C12orf56: variants seen among roughly 807,000 people sequenced by gnomAD.
C12orf56 encodes the protein chromosome 12 open reading frame 56.
A neutral mutation model predicts 69.9 loss-of-function variants in C12orf56; 71 were observed. The observed-to-expected ratio is 1.02, with a 90% CI of 0.84 to 1.24. The LOEUF (loss-of-function observed/expected upper bound fraction) is 1.24. C12orf56 is among the 50% of genes most tolerant of loss of function. The pLI, the probability that C12orf56 is intolerant of heterozygous loss-of-function variation, is 0.00. For missense variants in C12orf56, 732 were observed against 738.5 expected (o/e 0.99, Z 0.10); for synonymous variants, 276 against 274.1 (o/e 1.01, Z -0.07).
chr12:64,370,577 G>A (rs1412574574), intron 1 of C12orf56, among the ~76,000 whole-genome samples: 1 of 152,100 alleles, frequency 6.6e-6, no homozygotes, highest in African/African-American at 2.4e-5. Context: ...CTTGAGCCCA[G>A]GAGGCAGAGG....
chr12:64,339,289 C>T (rs2039041666), intron 2 of C12orf56, among the ~76,000 whole-genome samples: 1 of 152,160 alleles, frequency 6.6e-6, no homozygotes, highest in Admixed American at 6.6e-5. Flanking sequence ...AGTCTTTCCT[C>T]CCCTTTACCA....
intron 1 of C12orf56, among the ~76,000 whole-genome samples, chr12:64,379,978 G>A (rs1328942904): frequency 1.3e-5 from 2 of 149,002 alleles, no homozygotes; most frequent in African/African-American, 2.5e-5. Flanking sequence ...GCGGACGGAC[G>A]CCTGTAGTCC....
chr12:64,277,777 A>G lies in C12orf56; in HGVS notation c.1337T>C (p.Ile446Thr), dbSNP rs1284369265. 27 of 1,603,392 alleles carry G rather than the reference A, an allele frequency of 1.7e-5. No homozygotes were observed. Among genetic ancestry groups the G allele is most frequent in the Non-Finnish European group, 2.3e-5 (27 of 1,173,822 alleles). Reference sequence around the variant, plus strand: ...TGGAATCTGAGGCTCACTAATTAAAATTACCAAGAGATTAAATAGTGCTCC... The same window carrying G: ...TGGAATCTGAGGCTCACTAATTAAAGTTACCAAGAGATTAAATAGTGCTCC... ...KKGALFNLLV[I>T]LISEPQIPKS... Residue 446 changes from isoleucine to threonine, a missense_variant, in exon 9 of 13, where the codon ATT (isoleucine) becomes ACT (threonine). Ile to Thr is a moderately conservative substitution (Grantham distance 89). Coordinates refer to ENST00000543942, the MANE Select transcript of C12orf56 (RefSeq NM_001170633.2).
chr12:64,285,504 G>A (rs1355539542), intron 7 of C12orf56, among the ~76,000 whole-genome samples: 3 of 152,106 alleles, frequency 2.0e-5, no homozygotes, highest in South Asian at 4.1e-4. Flanking sequence ...TCCACAGGAA[G>A]AGACCAGGCA....
At chr12:64,323,962 T>C (rs1865801) in intron 3 of C12orf56, among the ~76,000 whole-genome samples, 67,982 of 152,044 alleles carry the variant, frequency 0.45, 15,573 homozygotes, top group African/African-American at 0.54. Flanking sequence ...CTGCCCCTCC[T>C]TCAATCCTTC....
At chr12:64,304,882 C>A (rs1045007054) in intron 5 of C12orf56, among the ~76,000 whole-genome samples, 2 of 152,090 alleles carry the variant, frequency 1.3e-5, no homozygotes, top group South Asian at 4.1e-4. Flanking sequence ...AGCCAGGGTG[C>A]AAGGTAACAG....
At chr12:64,311,508 A>G (rs1342046926) in intron 5 of C12orf56, among the ~76,000 whole-genome samples, 1 of 152,118 alleles carries the variant, frequency 6.6e-6, no homozygotes, top group Non-Finnish European at 1.5e-5. Flanking sequence ...GTCAAGAAAG[A>G]TTTTTAGAGA....
intron 2 of C12orf56, 74 bp downstream of exon 2, chr12:64,352,820 G>A: frequency 7.6e-7 from 1 of 1,309,156 alleles, no homozygotes; most frequent in South Asian, 2.0e-5. Context: ...AAAATATCCT[G>A]CATCAATTTT....
intron 9 of C12orf56, among the ~76,000 whole-genome samples, chr12:64,276,004 C>CCA (rs1555185424): frequency 6.1e-4 from 92 of 151,054 alleles, no homozygotes; most frequent in African/African-American, 2.2e-3. Flanking sequence ...AATACACACC[C>CCA]CCCCCCGCGA....
chr12:64,367,245 T>TTTATATATTATATATAACATACAGA (rs2039505848), intron 1 of C12orf56, among the ~76,000 whole-genome samples: 3 of 59,896 alleles, frequency 5.0e-5, no homozygotes, highest in South Asian at 5.0e-4. Flanking sequence ...TAATATACAG[T>TTTATATATTATATATAACATACAGA]TTATATATTA....
chr12:64,300,335 C>CT (rs911284067), intron 6 of C12orf56, among the ~76,000 whole-genome samples: 2 of 151,946 alleles, frequency 1.3e-5, no homozygotes, highest in Admixed American at 1.3e-4. Flanking sequence ...TCTCTCCATT[C>CT]TTTTTTTGTT....
chr12:64,324,043 T>C (rs1352323968), intron 3 of C12orf56, among the ~76,000 whole-genome samples: 1 of 152,160 alleles, frequency 6.6e-6, no homozygotes, highest in African/African-American at 2.4e-5. Context: ...CCGCAGAAGC[T>C]CATAAGTCAC....
chr12:64,329,777 T>A (rs1271302899), intron 3 of C12orf56, among the ~76,000 whole-genome samples: 1 of 148,378 alleles, frequency 6.7e-6, no homozygotes, highest in Non-Finnish European at 1.5e-5. Flanking sequence ...ATATGCCGTG[T>A]TTGGTTTTTT....
intron 5 of C12orf56, among the ~76,000 whole-genome samples, chr12:64,307,459 T>C (rs1355052151): frequency 4.2e-5 from 6 of 144,284 alleles, no homozygotes; most frequent in Admixed American, 1.5e-4. Context: ...AACTTCTACC[T>C]CCCAGGTTCA....
intron 5 of C12orf56, among the ~76,000 whole-genome samples, chr12:64,310,245 G>A (rs533634971): frequency 2.6e-5 from 4 of 151,966 alleles, no homozygotes; most frequent in African/African-American, 7.3e-5. Context: ...GGGCTCAAGC[G>A]ATCCTCCCAC....
In C12orf56 at chr12:64,352,963, A is replaced by ATT; in HGVS notation, c.345_346insAA (p.Cys116AsnfsTer43). 1.9e-6 allele frequency: 3 copies of ATT among 1,612,518 alleles called. No individual in the cohort carries two copies. Among genetic ancestry groups the ATT allele is most frequent in the Non-Finnish European group, 2.5e-6 (3 of 1,179,530 alleles). On this transcript the variant is annotated frameshift_variant, in exon 2 of 13. Transcript: ENST00000543942. LOFTEE classifies it high-confidence loss of function. ...TTCCTGACACTGTTTGACTTTTTAC[A>ATT]CTCTTTTTTCAAAACGGTTGAAGAA...
rs1201180476 is a variant in C12orf56 at position 64,293,696 on chromosome 12, T to C, written c.1114-7636A>G. On this transcript the variant is annotated intron_variant, in intron 6 of 12. Coordinates refer to ENST00000543942, the MANE Select transcript of C12orf56 (RefSeq NM_001170633.2). Reference sequence around the variant, plus strand: ...ATGAATTTTCACTTATAAAATATCATGCATCTACCTGAAACAACATGGAAG... The same window carrying C: ...ATGAATTTTCACTTATAAAATATCACGCATCTACCTGAAACAACATGGAAG... Among the ~76,000 whole-genome samples, 3 of 152,362 alleles carry C rather than the reference T, an allele frequency of 2.0e-5. No homozygotes were observed. The South Asian group carries it at 6.2e-4, about 32-fold the overall frequency.
chr12:64,297,872 G>A (rs10735924), intron 6 of C12orf56, among the ~76,000 whole-genome samples: 144,245 of 152,304 alleles, frequency 0.95, 68,781 homozygotes, highest in East Asian at 1. Flanking sequence ...TTATAGCAAC[G>A]TGATTTATAA....
intron 12 of C12orf56, among the ~76,000 whole-genome samples, chr12:64,268,242 G>A (rs1373712604): frequency 6.6e-6 from 1 of 152,132 alleles, no homozygotes; most frequent in Non-Finnish European, 1.5e-5. Context: ...AGAGAGAGAG[G>A]AGATGGTGGC....
Sources: gnomAD v4.1 joint callset for allele counts (sites outside exome capture counted in the v4.1 genomes callset) on GRCh38, gnomAD v4.1.1 for gene constraint, MANE v1.5 for transcripts, NCBI Gene and HGNC (gene_info 2026-07-23, HGNC 2026-07-21) for gene names.